The following NUBPL variants were observed in gnomAD, a reference collection of about 807,000 sequenced individuals.
The protein encoded by NUBPL is iron-sulfur cluster transfer protein NUBPL.
In NUBPL, 31 loss-of-function variants were observed where a neutral mutation model predicts 45.7. The ratio of observed to expected loss-of-function variants is 0.68; its 90% confidence interval spans 0.51 to 0.92. The LOEUF (loss-of-function observed/expected upper bound fraction) is 0.92, where lower values mean the gene tolerates loss of function less well. Among genes scored for constraint, NUBPL ranks in the 40% least tolerant of loss-of-function variants. NUBPL has a pLI of 0.00. For synonymous variants in NUBPL, 144 were observed against 140.9 expected (o/e 1.02, Z -0.15); for missense variants, 401 against 398.7 (o/e 1.01, Z -0.05).
At chr14:31,742,237 T>TACACACACACACACACACAC (rs3035713) in intron 6 of NUBPL, among the ~76,000 whole-genome samples, 25 of 141,378 alleles carry the variant, frequency 1.8e-4, no homozygotes, top group African/African-American at 3.4e-4. Context: ...AACTATTGTG[T>TACACACACACACACACACAC]ACACACACAC....
intron 4 of NUBPL, among the ~76,000 whole-genome samples, chr14:31,617,403 G>C (rs1241480558): frequency 1.3e-5 from 2 of 152,164 alleles, no homozygotes; most frequent in Non-Finnish European, 2.9e-5. Context: ...TATGATATTG[G>C]CTGTGGGTTT....
At chr14:31,813,533 C>T (rs183067395) in intron 7 of NUBPL, among the ~76,000 whole-genome samples, 1 of 150,008 alleles carries the variant, frequency 6.7e-6, no homozygotes, top group Non-Finnish European at 1.5e-5. Context: ...ACACATACAT[C>T]CATACACACA....
chr14:31,738,836 A>G (rs1003453779), intron 6 of NUBPL, among the ~76,000 whole-genome samples: 11 of 152,150 alleles, frequency 7.2e-5, no homozygotes, highest in Admixed American at 7.2e-4. Flanking sequence ...TTGAATAGGT[A>G]TATCCATTCC....
At chr14:31,638,560 T>A (rs376924554) in intron 4 of NUBPL, among the ~76,000 whole-genome samples, 3 of 151,974 alleles carry the variant, frequency 2.0e-5, no homozygotes, top group South Asian at 2.1e-4. Context: ...TCTGACAGTT[T>A]TGTGTCTTGG....
intron 8 of NUBPL, among the ~76,000 whole-genome samples, chr14:31,833,151 T>C (rs771496640): frequency 6.6e-6 from 1 of 152,122 alleles, no homozygotes; most frequent in South Asian, 2.1e-4. Context: ...GAGTACTGCT[T>C]GAGGCTAGGA....
At chr14:31,686,555 AAGT>A (rs1428308178) in intron 6 of NUBPL, 1 of 152,252 alleles carries the variant, frequency 6.6e-6, no homozygotes, top group Non-Finnish European at 1.5e-5. Context: ...TCAAGGATCA[AAGT>A]ATCACACACT....
At chr14:31,637,694 G>A (rs2035547725) in intron 4 of NUBPL, among the ~76,000 whole-genome samples, 1 of 152,158 alleles carries the variant, frequency 6.6e-6, no homozygotes, top group South Asian at 2.1e-4. Flanking sequence ...TGGGAAGTTA[G>A]AGTCTCCCAT....
chr14:31,790,830 G>A (rs534448193), intron 7 of NUBPL, among the ~76,000 whole-genome samples: 12 of 152,110 alleles, frequency 7.9e-5, no homozygotes, highest in East Asian at 1.9e-4. Flanking sequence ...CAGCCTGGGC[G>A]ACAAAGTGAG....
At chr14:31,676,104 C>T (rs1045947675) in intron 6 of NUBPL, among the ~76,000 whole-genome samples, 1 of 151,634 alleles carries the variant, frequency 6.6e-6, no homozygotes, top group Admixed American at 6.6e-5. Context: ...CTCACTGCAA[C>T]CTCCGCCTCC....
intron 4 of NUBPL, among the ~76,000 whole-genome samples, chr14:31,632,349 G>T (rs1313360508): frequency 6.6e-6 from 1 of 152,114 alleles, no homozygotes; most frequent in Admixed American, 6.6e-5. Flanking sequence ...AGCCAGCCTG[G>T]GGCTACCCTA....
Position 31,756,442 on chromosome 14 carries a change from G to A in NUBPL, c.514-31338G>A, listed in dbSNP as rs1225468584. ...TCCCTTGTAAGTTGGATTCCTAGGA[G>A]TTTTATTCTGTTTGAAGCAATTGTG... On this transcript the variant is annotated intron_variant, in intron 6 of 10. Coordinates refer to ENST00000281081, the MANE Select transcript of NUBPL (RefSeq NM_025152.3). Among the ~76,000 whole-genome samples, 390 of 151,180 alleles carry A rather than the reference G, an allele frequency of 2.6e-3. 2 individuals are homozygous for A. The highest frequency in any genetic ancestry group is 9.0e-3 in the African/African-American group (366 of 40,580).
At chr14:31,625,842 G>C (rs1280585130) in intron 4 of NUBPL, among the ~76,000 whole-genome samples, 1 of 152,140 alleles carries the variant, frequency 6.6e-6, no homozygotes, top group Non-Finnish European at 1.5e-5. Flanking sequence ...AAGTACCATA[G>C]TAAATAGTAG....
intron 8 of NUBPL, among the ~76,000 whole-genome samples, chr14:31,828,890 C>T (rs2040145921): frequency 1.3e-5 from 2 of 152,128 alleles, no homozygotes; most frequent in East Asian, 3.9e-4. Flanking sequence ...AAGGGATGGT[C>T]ACTAAGTCCA....
intron 6 of NUBPL, among the ~76,000 whole-genome samples, chr14:31,694,452 A>G (rs564101929): frequency 6.6e-5 from 10 of 152,322 alleles, no homozygotes; most frequent in African/African-American, 2.2e-4. Context: ...GACAGCAGAT[A>G]CTTATTGCTG....
intron 4 of NUBPL, among the ~76,000 whole-genome samples, chr14:31,667,040 T>C (rs1274359212): frequency 6.6e-6 from 1 of 152,194 alleles, no homozygotes; most frequent in African/African-American, 2.4e-5. Context: ...TTGGGGTTAC[T>C]CTTCTCGAGG....
chr14:31,682,288 G>A (rs1164208900), intron 6 of NUBPL, among the ~76,000 whole-genome samples: 2 of 152,002 alleles, frequency 1.3e-5, no homozygotes, highest in Non-Finnish European at 2.9e-5. Context: ...TATATCTCTG[G>A]TAAATTCTTC....
At chr14:31,641,039 C>T (rs1395949626) in intron 4 of NUBPL, among the ~76,000 whole-genome samples, 1 of 152,070 alleles carries the variant, frequency 6.6e-6, no homozygotes, top group African/African-American at 2.4e-5. Context: ...GCAACCTCTG[C>T]CTCCTGGGTT....
chr14:31,808,850 C>T (rs1352235815), intron 7 of NUBPL, among the ~76,000 whole-genome samples: 1 of 152,056 alleles, frequency 6.6e-6, no homozygotes. Context: ...TTGTCAAAGG[C>T]CTTTTCTGCA....
chr14:31,753,758 G>T (rs2038585845), intron 6 of NUBPL, among the ~76,000 whole-genome samples: 1 of 152,144 alleles, frequency 6.6e-6, no homozygotes, highest in Non-Finnish European at 1.5e-5. Context: ...CAACTGTGGG[G>T]CTGCCATCCT....
Sources: allele counts gnomAD v4.1 joint callset (sites outside exome capture counted in the v4.1 genomes callset), GRCh38; gene constraint gnomAD v4.1.1; transcripts MANE v1.5; gene names NCBI Gene and HGNC (gene_info 2026-07-23, HGNC 2026-07-21).